Variants in ZNF827 observed in about 807,000 individuals in gnomAD.
ZNF827 encodes the protein zinc finger protein 827.
Under a neutral mutation model 102.4 loss-of-function variants are expected in ZNF827, and 13 were observed. The ratio of observed to expected loss-of-function variants is 0.13; its 90% CI spans 0.08 to 0.20. ZNF827 has a LOEUF of 0.20. ZNF827 is among the 10% of genes least tolerant of loss of function. The pLI is 1.00. For synonymous variants in ZNF827, 523 were observed against 536.2 expected (o/e 0.98, Z 0.34); for missense variants, 1,103 against 1,344.4 (o/e 0.82, Z 2.81).
At chr4:145,850,556 T>C (rs1053428712) in intron 5 of ZNF827, among the ~76,000 whole-genome samples, 1 of 152,122 alleles carries the variant, frequency 6.6e-6, no homozygotes, top group Non-Finnish European at 1.5e-5. Flanking sequence ...GCTGGGTCTT[T>C]AGTCTGAAAC....
At chr4:145,806,309 G>A (rs1452583557) in intron 8 of ZNF827, among the ~76,000 whole-genome samples, 3 of 146,148 alleles carry the variant, frequency 2.1e-5, no homozygotes, top group African/African-American at 5.1e-5. Context: ...ACTCCACCAC[G>A]CCCAGCTACT....
chr4:145,825,472 T>TG (rs1176029083), intron 7 of ZNF827, among the ~76,000 whole-genome samples: 1 of 152,206 alleles, frequency 6.6e-6, no homozygotes, highest in Non-Finnish European at 1.5e-5. Context: ...ACAAGGCGTG[T>TG]GGCCAGTGCA....
At chr4:145,877,583 G>C (rs1311668692) in intron 4 of ZNF827, among the ~76,000 whole-genome samples, 1 of 152,078 alleles carries the variant, frequency 6.6e-6, no homozygotes, top group Admixed American at 6.6e-5. Context: ...CCCCACCTGA[G>C]CTAATCCTTG....
intron 1 of ZNF827, among the ~76,000 whole-genome samples, chr4:145,910,101 G>A (rs753956757): frequency 2.6e-5 from 4 of 152,236 alleles, no homozygotes; most frequent in Non-Finnish European, 5.9e-5. Context: ...AAAGGCATGA[G>A]GAAGTGAGAG....
chr4:145,764,369 C>G (rs111517451), intron 13 of ZNF827, among the ~76,000 whole-genome samples: 2 of 152,176 alleles, frequency 1.3e-5, no homozygotes, highest in Non-Finnish European at 2.9e-5. Context: ...ACACACAGTA[C>G]GTTTGATATT....
chr4:145,829,467 C>T (rs1231373199), intron 7 of ZNF827, among the ~76,000 whole-genome samples: 2 of 152,112 alleles, frequency 1.3e-5, no homozygotes, highest in Non-Finnish European at 2.9e-5. Context: ...ATCATATATT[C>T]AGCCATATAT....
intron 4 of ZNF827, among the ~76,000 whole-genome samples, chr4:145,875,916 AAATT>A (rs1262974071): frequency 6.6e-6 from 1 of 152,202 alleles, no homozygotes; most frequent in East Asian, 1.9e-4. Flanking sequence ...AATCATTGTA[AAATT>A]AATTAATTTA....
At chr4:145,910,066 A>T (rs760874933) in intron 1 of ZNF827, among the ~76,000 whole-genome samples, 1 of 152,206 alleles carries the variant, frequency 6.6e-6, no homozygotes, top group Non-Finnish European at 1.5e-5. Flanking sequence ...TCCTGTCACC[A>T]GTCCAGCTAG....
chr4:145,938,442 A>C lies in ZNF827; in HGVS notation c.-35T>G. The C allele has an allele frequency of 6.8e-7, 1 of 1,468,554 alleles. No individual in the cohort carries two copies. The highest frequency in any genetic ancestry group is 9.2e-7 in the Non-Finnish European group (1 of 1,091,320). The allele number at this position is 1,468,554 out of a possible 1,614,324, so 91.0% of individuals were successfully genotyped here. Reference sequence around the variant, plus strand: ...TTTCTCACATTCTCCTCCTTGGTTAATGTGAGATCAAATAAACCCCCGTGG... The same window carrying C: ...TTTCTCACATTCTCCTCCTTGGTTACTGTGAGATCAAATAAACCCCCGTGG... On this transcript the variant is annotated 5_prime_UTR_variant, in exon 1 of 15. Transcript: ENST00000508784.
intron 8 of ZNF827, among the ~76,000 whole-genome samples, chr4:145,814,179 T>A (rs1018850669): frequency 6.6e-6 from 1 of 152,186 alleles, no homozygotes; most frequent in Non-Finnish European, 1.5e-5. Context: ...TATCTATCTA[T>A]CTAGATATAA....
chr4:145,934,409 A>G (rs957463519), intron 1 of ZNF827, among the ~76,000 whole-genome samples: 1 of 152,178 alleles, frequency 6.6e-6, no homozygotes, highest in African/African-American at 2.4e-5. Context: ...GTAGAATTTT[A>G]AATCAGAAAC....
intron 7 of ZNF827, among the ~76,000 whole-genome samples, chr4:145,835,470 CT>C (rs765794888): frequency 0.026 from 3,849 of 148,348 alleles, 103 homozygotes; most frequent in African/African-American, 0.09. Context: ...TTAAGCACTC[CT>C]TTTTAGTTAT....
At chr4:145,783,735 C>T (rs1239448199) in intron 8 of ZNF827, among the ~76,000 whole-genome samples, 1 of 152,166 alleles carries the variant, frequency 6.6e-6, no homozygotes, top group African/African-American at 2.4e-5. Context: ...GAAGAAATGG[C>T]TGGGACTCTG....
chr4:145,832,463 C>T (rs1744320786), intron 7 of ZNF827: 1 of 152,012 alleles, frequency 6.6e-6, no homozygotes, highest in African/African-American at 2.4e-5. Flanking sequence ...ATGATAAGCA[C>T]AGAGTTGATC....
chr4:145,911,868 T>C (rs1269467115), intron 1 of ZNF827, among the ~76,000 whole-genome samples: 1 of 152,250 alleles, frequency 6.6e-6, no homozygotes, highest in Non-Finnish European at 1.5e-5. Flanking sequence ...GTTGAATGAA[T>C]GAACAATCAT....
chr4:145,783,390 T>G (rs1393154303), intron 8 of ZNF827, among the ~76,000 whole-genome samples: 1 of 152,276 alleles, frequency 6.6e-6, no homozygotes, highest in Non-Finnish European at 1.5e-5. Context: ...GCTACCTGCC[T>G]TTTGAATTGC....
At chr4:145,864,704 T>C (rs1301920140) in intron 5 of ZNF827, among the ~76,000 whole-genome samples, 3 of 152,200 alleles carry the variant, frequency 2.0e-5, no homozygotes, top group African/African-American at 4.8e-5. Flanking sequence ...AATTTTTTGA[T>C]TTTTGGACTT....
intron 7 of ZNF827, among the ~76,000 whole-genome samples, chr4:145,827,157 C>G (rs1255588970): frequency 6.6e-6 from 1 of 152,082 alleles, no homozygotes; most frequent in Non-Finnish European, 1.5e-5. Context: ...GGTAGTTGCC[C>G]ATGCCCATGA....
intron 5 of ZNF827, among the ~76,000 whole-genome samples, chr4:145,850,164 A>G (rs1746389188): frequency 2.6e-5 from 4 of 151,942 alleles, no homozygotes. Context: ...CACCTGCCAC[A>G]ATATTCGGCT....
Sources: gnomAD v4.1 joint callset for allele counts (sites outside exome capture counted in the v4.1 genomes callset) on GRCh38, gnomAD v4.1.1 for gene constraint, MANE v1.5 for transcripts, NCBI Gene and HGNC (gene_info 2026-07-23, HGNC 2026-07-21) for gene names.